The following PRKD1 variants were observed in gnomAD, a reference collection of about 807,000 sequenced individuals.
PRKD1 encodes the protein serine/threonine-protein kinase D1.
Under a neutral mutation model 95.9 loss-of-function variants are expected in PRKD1, and 63 were observed. The ratio of observed to expected loss-of-function variants is 0.66; its 90% CI spans 0.54 to 0.81. The LOEUF (loss-of-function observed/expected upper bound fraction) is 0.81, where lower values mean the gene tolerates loss of function less well. Ranked by LOEUF, PRKD1 falls within the 30% of genes least tolerant of loss-of-function variation. The pLI, the probability that PRKD1 is intolerant of heterozygous loss-of-function variation, is 0.00. For synonymous variants in PRKD1, 425 were observed against 423.1 expected, an observed-to-expected ratio of 1.00 and a Z score of -0.05; for missense variants, 1,048 against 1,165.3, an observed-to-expected ratio of 0.90 and a Z score of 1.47.
At chr14:29,795,373 G>A (rs1212171233) in intron 1 of PRKD1, among the ~76,000 whole-genome samples, 1 of 151,898 alleles carries the variant, frequency 6.6e-6, no homozygotes, top group African/African-American at 2.4e-5. Context: ...GAGCTATAGG[G>A]AAAGTTTATC....
At chr14:29,633,914 G>A (rs138989932) in intron 8 of PRKD1, among the ~76,000 whole-genome samples, 1 of 152,296 alleles carries the variant, frequency 6.6e-6, no homozygotes, top group Non-Finnish European at 1.5e-5. Context: ...CGTGAATCAA[G>A]TTGTTCTCTC....
rs1218722905 is a variant in PRKD1, at chr14:29,797,840, T to C, written c.265-72166A>G. ...CTACCATTTATATTGCATTTCTTTTTCTAGATGAACATGATTTTGAGGTAA... is the reference window on the plus strand; with the variant it reads ...CTACCATTTATATTGCATTTCTTTTCCTAGATGAACATGATTTTGAGGTAA... On this transcript the variant is annotated intron_variant, in intron 1 of 17. Coordinates refer to ENST00000331968, the MANE Select transcript of PRKD1 (RefSeq NM_002742.3). 2.0e-5 allele frequency among the ~76,000 whole-genome samples: 3 copies of C among 152,328 alleles called. No individual in the cohort carries two copies. In the East Asian group the frequency reaches 5.8e-4, roughly 29 times the overall value.
At chr14:29,640,345 A>G (rs1229125811) in intron 4 of PRKD1, among the ~76,000 whole-genome samples, 1 of 152,212 alleles carries the variant, frequency 6.6e-6, no homozygotes, top group Non-Finnish European at 1.5e-5. Flanking sequence ...ATCCTTTTCA[A>G]TCCCTATCTG....
At chr14:29,646,173 A>G (rs909022879) in intron 4 of PRKD1, among the ~76,000 whole-genome samples, 2 of 152,162 alleles carry the variant, frequency 1.3e-5, no homozygotes, top group African/African-American at 4.8e-5. Context: ...AGACATTTGC[A>G]TAGACGCCAA....
At chr14:29,697,145 C>A (rs1884565574) in intron 2 of PRKD1, among the ~76,000 whole-genome samples, 1 of 149,960 alleles carries the variant, frequency 6.7e-6, no homozygotes, top group Admixed American at 6.7e-5. Context: ...CAGTTTGTAA[C>A]CACATGTCAA....
chr14:29,750,699 G>T (rs1440538163), intron 1 of PRKD1, among the ~76,000 whole-genome samples: 1 of 151,964 alleles, frequency 6.6e-6, no homozygotes, highest in East Asian at 1.9e-4. Context: ...CACATCTTTG[G>T]GATGTGGGAG....
At chr14:29,770,443 C>G (rs1888450203) in intron 1 of PRKD1, among the ~76,000 whole-genome samples, 1 of 152,174 alleles carries the variant, frequency 6.6e-6, no homozygotes, top group Admixed American at 6.5e-5. Context: ...AAACCCCAGT[C>G]TTCTTAGAGA....
At chr14:29,829,179 T>C (rs1386959416) in intron 1 of PRKD1, among the ~76,000 whole-genome samples, 1 of 152,182 alleles carries the variant, frequency 6.6e-6, no homozygotes, top group Non-Finnish European at 1.5e-5. Flanking sequence ...CATTCATGTC[T>C]TTCTAGCTGA....
intron 1 of PRKD1, among the ~76,000 whole-genome samples, chr14:29,757,005 G>A (rs1887732100): frequency 6.6e-6 from 1 of 152,140 alleles, no homozygotes; most frequent in Admixed American, 6.5e-5. Context: ...ATTTGTTGGT[G>A]TAATTAAAAG....
At chr14:29,674,603 T>G (rs999153923) in intron 2 of PRKD1, among the ~76,000 whole-genome samples, 1 of 152,222 alleles carries the variant, frequency 6.6e-6, no homozygotes, top group African/African-American at 2.4e-5. Flanking sequence ...GTGCAAGCAC[T>G]GCAGGCACCC....
intron 1 of PRKD1, among the ~76,000 whole-genome samples, chr14:29,770,449 A>C (rs1888450530): frequency 6.6e-6 from 1 of 152,230 alleles, no homozygotes; most frequent in Non-Finnish European, 1.5e-5. Context: ...CAGTCTTCTT[A>C]GAGATGACCT....
At chr14:29,604,609 T>C (rs1379907301) in intron 13 of PRKD1, among the ~76,000 whole-genome samples, 2 of 152,108 alleles carry the variant, frequency 1.3e-5, no homozygotes, top group African/African-American at 4.8e-5. Context: ...TCCTGCCAGT[T>C]TGCCAGGGTC....
At chr14:29,756,385 G>A (rs1309369343) in intron 1 of PRKD1, among the ~76,000 whole-genome samples, 1 of 152,130 alleles carries the variant, frequency 6.6e-6, no homozygotes, top group Non-Finnish European at 1.5e-5. Flanking sequence ...TCATGAAGGT[G>A]TATTCAAAAA....
At chr14:29,624,530 A>G (rs1206208088) in intron 12 of PRKD1, among the ~76,000 whole-genome samples, 1 of 152,176 alleles carries the variant, frequency 6.6e-6, no homozygotes, top group Non-Finnish European at 1.5e-5. Flanking sequence ...CATAAAATAT[A>G]TGTTTTAGAA....
intron 16 of PRKD1, among the ~76,000 whole-genome samples, chr14:29,588,051 T>C (rs1417248063): frequency 1.3e-5 from 2 of 152,180 alleles, no homozygotes; most frequent in African/African-American, 2.4e-5. Flanking sequence ...AATCAATCTA[T>C]TCATTAATAT....
At chr14:29,738,678 C>T (rs1348235813) in intron 1 of PRKD1, among the ~76,000 whole-genome samples, 1 of 152,144 alleles carries the variant, frequency 6.6e-6, no homozygotes, top group Non-Finnish European at 1.5e-5. Context: ...TTGTAATGCT[C>T]CTTCTGTAGT....
chr14:29,726,901 T>A (rs887378442), intron 1 of PRKD1, among the ~76,000 whole-genome samples: 3 of 152,156 alleles, frequency 2.0e-5, no homozygotes, highest in African/African-American at 4.8e-5. Context: ...AATAGTCCTT[T>A]GGGTATATAC....
chr14:29,655,444 G>GT (rs987519813), intron 4 of PRKD1, among the ~76,000 whole-genome samples: 5 of 152,038 alleles, frequency 3.3e-5, no homozygotes, highest in African/African-American at 1.2e-4. Flanking sequence ...TAGAGTTACC[G>GT]TAACAAGACC....
intron 2 of PRKD1, among the ~76,000 whole-genome samples, chr14:29,720,779 C>A (rs1164040930): frequency 6.1e-5 from 9 of 146,872 alleles, no homozygotes; most frequent in Admixed American, 1.4e-4. Context: ...GATTCTGTCT[C>A]AAAAAAAATA....
Sources: gnomAD v4.1 joint callset for allele counts (sites outside exome capture counted in the v4.1 genomes callset) on GRCh38, gnomAD v4.1.1 for gene constraint, MANE v1.5 for transcripts, NCBI Gene and HGNC (gene_info 2026-07-23, HGNC 2026-07-21) for gene names.